KIF5C: variants seen among roughly 807,000 people sequenced by gnomAD.
KIF5C encodes the protein kinesin heavy chain isoform 5C.
KIF5C carries 18 observed loss-of-function variants against 125.2 expected under a neutral mutation model. That is an observed-to-expected ratio of 0.14 (90% CI 0.10 to 0.21). The LOEUF is 0.21. Ranked by LOEUF, KIF5C falls within the 10% of genes least tolerant of loss-of-function variation. KIF5C has a pLI of 1.00. For synonymous variants in KIF5C, 405 were observed against 434.0 expected (o/e 0.93, Z 0.83); for missense variants, 780 against 1,183.8 (o/e 0.66, Z 5.01).
chr2:148,951,710 G>C (rs1040572915), intron 10 of KIF5C, among the ~76,000 whole-genome samples: 1 of 152,264 alleles, frequency 6.6e-6, no homozygotes, highest in East Asian at 1.9e-4. Flanking sequence ...GTGATCTTTA[G>C]ACAAGTCACC....
chr2:148,983,551 C>T, intron 14 of KIF5C, 69 bp from the exon 15 acceptor site: 1 of 1,450,330 alleles, frequency 6.9e-7, no homozygotes, highest in South Asian at 1.6e-5. Flanking sequence ...TGGTGTTATT[C>T]TTTGTAATGT....
At chr2:148,995,054 C>T (rs545284315) in intron 17 of KIF5C, among the ~76,000 whole-genome samples, 7 of 152,284 alleles carry the variant, frequency 4.6e-5, no homozygotes, top group African/African-American at 1.7e-4. Context: ...CCCATTTCCT[C>T]ACAGTCCACC....
At chr2:148,917,400 C>T (rs1175922806) in intron 1 of KIF5C, among the ~76,000 whole-genome samples, 1 of 152,176 alleles carries the variant, frequency 6.6e-6, no homozygotes, top group Non-Finnish European at 1.5e-5. Flanking sequence ...AAAGGAAGAA[C>T]CCTTGAAGTA....
chr2:148,892,388 T>C (rs1558874882), intron 1 of KIF5C, among the ~76,000 whole-genome samples: 1 of 152,366 alleles, frequency 6.6e-6, no homozygotes, highest in South Asian at 2.1e-4. Context: ...GGAATAAGCA[T>C]ACCTAGCTTT....
At chr2:148,946,872 A>G (rs1177395614) in intron 7 of KIF5C, 27 bp from the exon 8 acceptor site, 1 of 1,609,256 alleles carries the variant, frequency 6.2e-7, no homozygotes, top group East Asian at 2.2e-5. Flanking sequence ...TGTTCTTTGT[A>G]GAGCAGTAAA....
chr2:148,886,217 G>A (rs1293450940), intron 1 of KIF5C: 1 of 152,328 alleles, frequency 6.6e-6, no homozygotes, highest in Non-Finnish European at 1.5e-5. Flanking sequence ...TGGTGGGCAG[G>A]ATCCCGAGTG....
intron 11 of KIF5C, among the ~76,000 whole-genome samples, chr2:148,964,346 T>C (rs1682999994): frequency 6.6e-6 from 1 of 151,974 alleles, no homozygotes; most frequent in African/African-American, 2.4e-5. Context: ...CATGAGCCTT[T>C]AAGTTACATA....
At chr2:148,959,607 C>T (rs1020681989) in intron 10 of KIF5C, among the ~76,000 whole-genome samples, 1 of 152,156 alleles carries the variant, frequency 6.6e-6, no homozygotes, top group Non-Finnish European at 1.5e-5. Flanking sequence ...GACACAGATT[C>T]CCACTGTTAT....
At chr2:149,018,540 A>G (rs1240702582) in intron 25 of KIF5C, among the ~76,000 whole-genome samples, 1 of 152,204 alleles carries the variant, frequency 6.6e-6, no homozygotes, top group African/African-American at 2.4e-5. Flanking sequence ...CTTAAAAAGG[A>G]TCAATAGACT....
At position 149,010,255 on chromosome 2, in the gene KIF5C, A is replaced by C; in HGVS notation, c.2671A>C (p.Met891Leu). 1.3e-6 allele frequency: 2 copies of C among 1,590,812 alleles called. No individual in the cohort carries two copies. Among genetic ancestry groups the C allele is most frequent in the African/African-American group, 2.7e-5 (2 of 74,444 alleles). Residue 891 changes from methionine (M) to leucine (L), a missense_variant, in exon 24 of 26, where the codon ATG becomes CTG. Met to Leu is a conservative substitution (Grantham distance 15). Transcript: ENST00000435030. ...GCTGAAGGAGGCCAAGGAGAACGCC[A>C]TGCGGGACCGTAAGCGCTACCAGCA... ...SALKEAKENA[M>L]RDRKRYQQEV...
Position 148,978,946 on chromosome 2 carries a change from C to A in KIF5C, c.1318C>A (p.Gln440Lys). 6.3e-7 allele frequency: 1 copy of A among 1,596,756 alleles called. No individual in the cohort carries two copies. ...DKDDEINQQSQLAEKLKQQML... is the reference protein window; with the variant it reads ...DKDDEINQQSKLAEKLKQQML... The stretch of plus-strand genomic sequence containing the variant: ...GGATGATGAAATTAACCAGCAGAGC[C>A]AGCTGGCTGAAAAGCTGAAGCAACA... The change falls in exon 13 of 26, where the codon CAG becomes AAG. Residue 440 changes from glutamine to lysine, a missense_variant. This residue lies in a region of KIF5C where 573 missense variants were observed against 742.6 expected (regional missense o/e 0.77). Transcript: ENST00000435030.
intron 25 of KIF5C, among the ~76,000 whole-genome samples, chr2:149,022,312 C>T (rs1682555511): frequency 6.6e-6 from 1 of 152,164 alleles, no homozygotes; most frequent in Non-Finnish European, 1.5e-5. Context: ...TTGAGACTGT[C>T]AGGACTAAAT....
At chr2:148,985,023 G>A (rs2105163994) in intron 15 of KIF5C, among the ~76,000 whole-genome samples, 1 of 152,062 alleles carries the variant, frequency 6.6e-6, no homozygotes, top group East Asian at 1.9e-4. Flanking sequence ...GGCTGGTCTC[G>A]AATTCCTGGC....
intron 13 of KIF5C, among the ~76,000 whole-genome samples, chr2:148,980,952 CACCT>C (rs1405880068): frequency 6.8e-6 from 1 of 147,326 alleles, no homozygotes; most frequent in East Asian, 1.9e-4. Context: ...TCAGGTAATC[CACCT>C]GCCTCGGCCT....
At chr2:148,979,095 C>A in intron 13 of KIF5C, 105 bp downstream of exon 13, 1 of 1,314,874 alleles carries the variant, frequency 7.6e-7, no homozygotes, top group South Asian at 2.4e-5. Flanking sequence ...TTCATAATTA[C>A]AGAATCATGT....
intron 12 of KIF5C, among the ~76,000 whole-genome samples, chr2:148,977,737 A>G (rs1681114668): frequency 6.6e-6 from 1 of 152,204 alleles, no homozygotes; most frequent in Non-Finnish European, 1.5e-5. Flanking sequence ...CAGATCCTGT[A>G]TGGCTGATTT....
intron 9 of KIF5C, 90 bp from the exon 10 acceptor site, chr2:148,950,224 A>G: frequency 6.5e-7 from 1 of 1,527,676 alleles, no homozygotes; most frequent in Non-Finnish European, 8.8e-7. Context: ...CTCGGTTTCT[A>G]AGCTCAGTGT....
chr2:148,880,132 T>C (rs1054494605), intron 1 of KIF5C, among the ~76,000 whole-genome samples: 2 of 152,218 alleles, frequency 1.3e-5, no homozygotes, highest in Non-Finnish European at 2.9e-5. Context: ...CTTTTTTTTT[T>C]TTCTTTGAGA....
chr2:148,997,579 A>G, intron 18 of KIF5C: 1 of 600,838 alleles, frequency 1.7e-6, no homozygotes, highest in Non-Finnish European at 2.7e-6. Flanking sequence ...CTTTGTCTTC[A>G]CCATTCCTGA....
Sources: allele counts gnomAD v4.1 joint callset (sites outside exome capture counted in the v4.1 genomes callset), GRCh38; gene constraint gnomAD v4.1.1; regional missense constraint gnomAD v4.1.1; transcripts MANE v1.5; gene names NCBI Gene and HGNC (gene_info 2026-07-23, HGNC 2026-07-21).